DHX8: variants seen among roughly 807,000 people sequenced by gnomAD.
DHX8 encodes ATP-dependent RNA helicase DHX8.
A neutral mutation model predicts 140.7 loss-of-function variants in DHX8; 67 were observed. That is an observed-to-expected ratio of 0.48 (90% confidence interval 0.39 to 0.58). DHX8 has a LOEUF of 0.58. Ranked by LOEUF, DHX8 falls within the 20% of genes least tolerant of loss-of-function variation. The pLI is 0.00. For missense variants in DHX8, 887 were observed against 1,550.7 expected, an observed-to-expected ratio of 0.57 and a Z score of 7.19; for synonymous variants, 533 against 553.2, an observed-to-expected ratio of 0.96 and a Z score of 0.51.
intron 3 of DHX8, among the ~76,000 whole-genome samples, chr17:43,541,970 C>T (rs532908657): frequency 6.6e-6 from 1 of 152,298 alleles, no homozygotes; most frequent in Admixed American, 6.5e-5. Context: ...TTCAGGGATG[C>T]ACACACCCTA....
chr17:43,524,975 A>T lies in DHX8; in HGVS notation c.*1128A>T. 1 of 981,198 alleles carries T rather than the reference A, an allele frequency of 1.0e-6. No homozygotes were observed. Among genetic ancestry groups the T allele is most frequent in the Non-Finnish European group, 1.2e-6 (1 of 828,658 alleles). 60.8% of individuals were successfully genotyped at this position (981,198 alleles called of 1,614,324 possible). A position where few individuals can be genotyped will look rare whatever the true frequency, so the allele number is the denominator to read the frequency against. The stretch of plus-strand genomic sequence containing the variant: ...AGGAGGGTTTTTTTTTTTTCTTCCC[A>T]TAGAGATGGGTTCCCACTGTGCTGC... On this transcript the variant is annotated 3_prime_UTR_variant, in exon 23 of 23. Transcript: ENST00000262415.
Position 43,507,975 on chromosome 17 carries a change from C to A in DHX8, c.2276C>A (p.Ala759Asp). 1 of 1,614,132 alleles carries A rather than the reference C, an allele frequency of 6.2e-7. No homozygotes were observed. The highest frequency in any genetic ancestry group is 8.5e-7 in the Non-Finnish European group (1 of 1,180,024). ...GAACCTGAGACAGATTATCTGGATG[C>A]CAGCCTGATTACTGTTATGCAGATT... ...TKEPETDYLD[A>D]SLITVMQIHL... The change falls in exon 15 of 23, where the codon GCC (alanine) becomes GAC (aspartate). Residue 759 changes from alanine (A) to aspartate (D), a missense_variant. By Grantham distance (126) the Ala-to-Asp change is moderately radical. Coordinates refer to ENST00000262415, the MANE Select transcript of DHX8 (RefSeq NM_004941.3).
At chr17:43,541,624 C>T (rs946238105) in intron 3 of DHX8, among the ~76,000 whole-genome samples, 4 of 152,180 alleles carry the variant, frequency 2.6e-5, no homozygotes, top group East Asian at 1.9e-4. Flanking sequence ...CACTGAAGCT[C>T]ACCATAGGTT....
chr17:43,505,128 T>G (rs1260178070), intron 12 of DHX8, among the ~76,000 whole-genome samples: 2 of 152,076 alleles, frequency 1.3e-5, no homozygotes, highest in South Asian at 2.1e-4. Context: ...ATAAAAAATT[T>G]GGTGGGGCGT....
chr17:43,494,276 C>T (rs1029154525), intron 8 of DHX8, among the ~76,000 whole-genome samples: 12 of 152,144 alleles, frequency 7.9e-5, no homozygotes, highest in Non-Finnish European at 1.6e-4. Context: ...CTCCCACACA[C>T]GTGGAAATTC....
downstream of DHX8, chr17:43,530,327 A>G: frequency 3.4e-6 from 5 of 1,480,444 alleles, no homozygotes; most frequent in Non-Finnish European, 4.5e-6. Flanking sequence ...CCTGCCAACC[A>G]CAAAATCCCA....
chr17:43,486,871 G>A (rs1348878672), intron 1 of DHX8, among the ~76,000 whole-genome samples: 9 of 127,474 alleles, frequency 7.1e-5, no homozygotes, highest in African/African-American at 2.2e-4. Flanking sequence ...GCAAGACTCC[G>A]TCTCAAAAAA....
intron 16 of DHX8, 45 bp from the exon 17 acceptor site, chr17:43,513,317 C>T (rs369867368): frequency 6.2e-7 from 1 of 1,600,490 alleles, no homozygotes; most frequent in African/African-American, 1.3e-5. Context: ...CACCTCAGGG[C>T]TGAGCCTGGG....
At chr17:43,529,998 T>A, downstream of DHX8, 1 of 1,612,896 alleles carries the variant, frequency 6.2e-7, no homozygotes, top group Non-Finnish European at 8.5e-7. Context: ...GGTTCACCGA[T>A]GAGACCCCAG....
At chr17:43,505,837 G>C (rs556844884) in intron 12 of DHX8, among the ~76,000 whole-genome samples, 1 of 152,106 alleles carries the variant, frequency 6.6e-6, no homozygotes, top group South Asian at 2.1e-4. Flanking sequence ...CTAGTTTCTA[G>C]TGAATCCTTT....
At chr17:43,515,503 T>G (rs1417453590) in intron 17 of DHX8, among the ~76,000 whole-genome samples, 1 of 152,164 alleles carries the variant, frequency 6.6e-6, no homozygotes, top group Non-Finnish European at 1.5e-5. Context: ...TAGCTAACAC[T>G]TACAGTGTAC....
At chr17:43,529,132 C>T, downstream of DHX8, 1 of 1,613,932 alleles carries the variant, frequency 6.2e-7, no homozygotes, top group Non-Finnish European at 8.5e-7. Flanking sequence ...CCACAGCCCC[C>T]ACCTTCTGCA....
At chr17:43,489,932 T>C (rs947837678) in intron 2 of DHX8, among the ~76,000 whole-genome samples, 4 of 152,198 alleles carry the variant, frequency 2.6e-5, no homozygotes, top group African/African-American at 4.8e-5. Context: ...GATTTTGATA[T>C]AGGAAGGAGA....
At chr17:43,505,866 A>G (rs571861747) in intron 12 of DHX8, among the ~76,000 whole-genome samples, 1 of 152,240 alleles carries the variant, frequency 6.6e-6, no homozygotes, top group Admixed American at 6.5e-5. Context: ...TCTTATATGT[A>G]TACAAGCAAG....
Position 43,507,498 on chromosome 17 carries a change from T to C in DHX8, c.1924-5T>C. ...CCTAGGTTTTCCCCTTCTCTTCTGC[T>C]TTAGGTGGGCTACACCATTCGATTT... is the stretch of plus-strand genomic sequence containing the variant. On this transcript the variant is annotated splice_region_variant and splice_polypyrimidine_tract_variant and intron_variant, in intron 13 of 22. Coordinates refer to ENST00000262415, the MANE Select transcript of DHX8 (RefSeq NM_004941.3). 1.2e-6 allele frequency: 2 copies of C among 1,608,776 alleles called. No homozygotes were observed. Among genetic ancestry groups the C allele is most frequent in the Non-Finnish European group, 1.7e-6 (2 of 1,176,106 alleles).
At chr17:43,506,245 A>G (rs867684601) in intron 12 of DHX8, among the ~76,000 whole-genome samples, 15 of 151,220 alleles carry the variant, frequency 9.9e-5, no homozygotes, top group East Asian at 2.0e-4. Flanking sequence ...GACTCAAGCA[A>G]TCCTCCCTCC....
chr17:43,515,543 G>A (rs2154586807), intron 17 of DHX8, among the ~76,000 whole-genome samples: 1 of 152,286 alleles, frequency 6.6e-6, no homozygotes, highest in South Asian at 2.1e-4. Context: ...CATTGACTTG[G>A]TGCATTCTCG....
At position 43,525,309 on chromosome 17, in the gene DHX8, T is replaced by A. The variant is rs1970575827; in HGVS notation, c.*1462T>A. ...TACTGTAGAACTGTATGCCAGACAC[T>A]AAGAGAGACTATGTAACATTCCAGG... On this transcript the variant is annotated 3_prime_UTR_variant, in exon 23 of 23. Coordinates refer to ENST00000262415, the MANE Select transcript of DHX8 (RefSeq NM_004941.3). The A allele has an allele frequency of 1.0e-6, 1 of 985,204 alleles. No individual in the cohort carries two copies. The allele number at this position is 985,204 out of a possible 1,614,324, so 61.0% of individuals were successfully genotyped here.
At chr17:43,484,305 T>G in intron 1 of DHX8, 120 bp downstream of exon 1, 1 of 1,225,956 alleles carries the variant, frequency 8.2e-7, no homozygotes. Flanking sequence ...TGTCTCTCTC[T>G]GTCGCAGACA....
Sources: allele counts gnomAD v4.1 joint callset (sites outside exome capture counted in the v4.1 genomes callset), GRCh38; gene constraint gnomAD v4.1.1; transcripts MANE v1.5; gene names NCBI Gene and HGNC (gene_info 2026-07-23, HGNC 2026-07-21).